DMD: variants seen among roughly 807,000 people sequenced by gnomAD.
The protein encoded by DMD is dystrophin.
A neutral mutation model predicts 330.1 loss-of-function variants in DMD; 63 were observed. The observed-to-expected ratio is 0.19, with a 90% CI of 0.16 to 0.24. DMD has a LOEUF of 0.24. DMD is among the 10% of genes least tolerant of loss of function. The probability of loss-of-function intolerance (pLI) is 1.00; values close to 1 mark genes in which losing one functional copy is unlikely to be tolerated. For synonymous variants in DMD, 1,223 were observed against 959.8 expected, an observed-to-expected ratio of 1.27 and a Z score of -5.07; for missense variants, 3,344 against 2,684.1, an observed-to-expected ratio of 1.25 and a Z score of -5.43.
chrX:31,369,667 G>T (rs2059438930), intron 60 of DMD, among the ~76,000 whole-genome samples: 1 of 110,889 alleles, frequency 9.0e-6, no homozygotes, highest in Non-Finnish European at 1.9e-5. Flanking sequence ...GTGTCTGTGG[G>T]ACATTCAGGT....
At position 32,097,461 on chromosome X, in the gene DMD, T is replaced by C. The variant is rs369999101; in HGVS notation, c.6438+119455A>G. Among the ~76,000 whole-genome samples the C allele has an allele frequency of 4.5e-5, 5 of 111,668 alleles. No homozygotes were observed. The East Asian group carries it at 1.1e-3, about 25-fold the overall frequency. On this transcript the variant is annotated intron_variant, in intron 44 of 78. Coordinates refer to ENST00000357033, the MANE Select transcript of DMD (RefSeq NM_004006.3). Reference sequence around the variant, plus strand: ...TTTTTTATGGATTCATAGTATTCCATGGTGTGTATGTGCCACCTTTTCTTT... The same window carrying C: ...TTTTTTATGGATTCATAGTATTCCACGGTGTGTATGTGCCACCTTTTCTTT...
At chrX:32,881,747 C>A (rs910444570) in intron 2 of DMD, among the ~76,000 whole-genome samples, 2 of 112,043 alleles carry the variant, frequency 1.8e-5, no homozygotes, top group African/African-American at 6.5e-5. Context: ...TCTTATTAGA[C>A]ATATTAGCAC....
intron 55 of DMD, among the ~76,000 whole-genome samples, chrX:31,595,975 A>G (rs2077093072): frequency 9.0e-6 from 1 of 111,486 alleles, no homozygotes; most frequent in African/African-American, 3.3e-5. Context: ...CAATGCTATA[A>G]GCTATAATAA....
chrX:32,328,619 T>G (rs769261321), intron 41 of DMD, among the ~76,000 whole-genome samples: 15 of 110,509 alleles, frequency 1.4e-4, no homozygotes, highest in African/African-American at 4.9e-4. Context: ...ATGGTATTCC[T>G]TCATGTAAAT....
intron 7 of DMD, among the ~76,000 whole-genome samples, chrX:32,699,772 CAG>C (rs1362423404): frequency 1.8e-5 from 2 of 111,546 alleles, no homozygotes; most frequent in Admixed American, 9.5e-5. Context: ...TTAAAGTATG[CAG>C]AGAGCTAAAT....
intron 7 of DMD, among the ~76,000 whole-genome samples, chrX:32,721,192 C>A (rs2066270310): frequency 9.0e-6 from 1 of 110,646 alleles, no homozygotes; most frequent in Admixed American, 9.7e-5. Context: ...CCACAAGGTT[C>A]TGATTTCATT....
At chrX:31,381,439 C>A (rs904538414) in intron 60 of DMD, among the ~76,000 whole-genome samples, 8 of 111,690 alleles carry the variant, frequency 7.2e-5, no homozygotes, top group African/African-American at 2.6e-4. Context: ...GTTCTCATAA[C>A]TTCCAAAATC....
At chrX:32,853,769 G>GAAAAAAAA (rs1162458210) in intron 2 of DMD, among the ~76,000 whole-genome samples, 32 of 55,996 alleles carry the variant, frequency 5.7e-4, no homozygotes, top group African/African-American at 9.9e-4. Flanking sequence ...CACAGTGACA[G>GAAAAAAAA]AAAAAAAAAA....
chrX:32,234,043 C>G (rs1182784895), intron 43 of DMD, among the ~76,000 whole-genome samples: 1 of 111,516 alleles, frequency 9.0e-6, no homozygotes, highest in East Asian at 2.8e-4. Flanking sequence ...TCATGCTTCT[C>G]AAGAGCCATG....
At chrX:32,910,751 C>G (rs1312539722) in intron 2 of DMD, among the ~76,000 whole-genome samples, 2 of 112,090 alleles carry the variant, frequency 1.8e-5, no homozygotes, top group Non-Finnish European at 3.8e-5. Context: ...CTAGAACACA[C>G]TTTCTTAGAA....
chrX:32,360,800 A>AAATAATGATAATAAT, intron 37 of DMD, among the ~76,000 whole-genome samples: 1 of 95,937 alleles, frequency 1.0e-5, no homozygotes, highest in Admixed American at 1.2e-4. Context: ...CACACACACA[A>AAATAATGATAATAAT]AATAATAATA....
chrX:32,473,118 G>A (rs1398458565), intron 21 of DMD, among the ~76,000 whole-genome samples: 2 of 111,120 alleles, frequency 1.8e-5, no homozygotes, highest in African/African-American at 6.5e-5. Flanking sequence ...AAAGAGATTA[G>A]ACACAAGATT....
intron 60 of DMD, among the ~76,000 whole-genome samples, chrX:31,357,477 AT>A (rs2058732526): frequency 1.8e-5 from 2 of 111,558 alleles, no homozygotes; most frequent in African/African-American, 6.5e-5. Flanking sequence ...GAAATCAAAC[AT>A]TTTCATCTCA....
At chrX:32,549,528 T>C (rs974920840) in intron 16 of DMD, among the ~76,000 whole-genome samples, 1 of 112,087 alleles carries the variant, frequency 8.9e-6, no homozygotes, top group African/African-American at 3.2e-5. Context: ...AATATCTGAA[T>C]AAAATAAGTG....
chrX:32,444,520 T>C (rs1216647323), intron 27 of DMD, among the ~76,000 whole-genome samples: 2 of 111,219 alleles, frequency 1.8e-5, no homozygotes, highest in African/African-American at 6.5e-5. Flanking sequence ...CCATACCTTA[T>C]GACATAAAGA....
Position 31,571,254 on chromosome X carries a change from G to GGTGTGTGTGTGTGTGTGT in DMD, c.8217+56401_8217+56418dup, listed in dbSNP as rs371098859. Among the ~76,000 whole-genome samples the GGTGTGTGTGTGTGTGTGT allele has an allele frequency of 3.5e-3, 319 of 90,445 alleles. 1 individual carries two copies. Among genetic ancestry groups the GGTGTGTGTGTGTGTGTGT allele is most frequent in the Admixed American group, 0.017 (133 of 7,667 alleles). 78.5% of individuals were successfully genotyped at this position (90,445 alleles called of 115,157 possible). ...AGTTACATGATAAAAGATTTAAAGG[G>GGTGTGTGTGTGTGTGTGT]GTGTGTGTGTGTGTGTGTGTGTGTG... On this transcript the variant is annotated intron_variant, in intron 55 of 78. Transcript: ENST00000357033.
At chrX:31,655,309 T>C (rs1283919909) in intron 54 of DMD, among the ~76,000 whole-genome samples, 1 of 110,656 alleles carries the variant, frequency 9.0e-6, no homozygotes, top group East Asian at 2.8e-4. Context: ...CTGGGAAGGG[T>C]AGGGGGTGAG....
intron 29 of DMD, among the ~76,000 whole-genome samples, chrX:32,431,379 TG>T (rs2098237598): frequency 8.9e-6 from 1 of 111,744 alleles, no homozygotes; most frequent in African/African-American, 3.2e-5. Flanking sequence ...ATTGAAGAAA[TG>T]CCTTTTGAGC....
At chrX:32,409,757 T>A (rs2098134186) in intron 30 of DMD, among the ~76,000 whole-genome samples, 1 of 111,934 alleles carries the variant, frequency 8.9e-6, no homozygotes. Context: ...CAAGCATTTT[T>A]AATCAAACAT....
Sources: gnomAD v4.1 joint callset for allele counts (sites outside exome capture counted in the v4.1 genomes callset) on GRCh38, gnomAD v4.1.1 for gene constraint, MANE v1.5 for transcripts, NCBI Gene and HGNC (gene_info 2026-07-23, HGNC 2026-07-21) for gene names.